Variants in HEATR6 observed in about 807,000 individuals in gnomAD.
HEATR6 encodes HEAT repeat containing 6.
HEATR6 carries 106 observed loss-of-function variants against 132.8 expected under a neutral mutation model. The observed-to-expected ratio is 0.80, with a 90% CI of 0.68 to 0.94. HEATR6 has a LOEUF of 0.94. Ranked by LOEUF, HEATR6 falls within the 40% of genes least tolerant of loss-of-function variation. HEATR6 has a pLI of 0.00. For missense variants in HEATR6, 1,339 were observed against 1,425.1 expected (o/e 0.94, Z 0.97); for synonymous variants, 529 against 537.8 (o/e 0.98, Z 0.23).
intron 14 of HEATR6, among the ~76,000 whole-genome samples, chr17:60,051,474 G>C (rs73994275): frequency 6.6e-6 from 1 of 152,132 alleles, no homozygotes; most frequent in African/African-American, 2.4e-5. Context: ...GTTGACAGTC[G>C]GCTAGGGCTT....
In HEATR6 at chr17:60,042,992, G is replaced by A; in HGVS notation, c.*571C>T. ...CACTGTCAGCATCCTCGCGTCCTGT[G>A]TGGCTGTGAGGCACCGTCAGCATCC... On this transcript the variant is annotated 3_prime_UTR_variant, in exon 20 of 20. Coordinates refer to ENST00000184956, the MANE Select transcript of HEATR6 (RefSeq NM_022070.5). 7.1e-6 allele frequency: 1 copy of A among 139,916 alleles called. No individual in the cohort carries two copies. Among genetic ancestry groups the A allele is most frequent in the South Asian group, 1.3e-4 (1 of 7,950 alleles). The allele number at this position is 139,916 out of a possible 1,614,324, so 8.7% of individuals were successfully genotyped here.
chr17:60,076,332 C>A, intron 1 of HEATR6, 95 bp from the exon 2 acceptor site: 2 of 639,034 alleles, frequency 3.1e-6, no homozygotes, highest in Non-Finnish European at 2.7e-6. Context: ...TAAATATTCA[C>A]ATTCAAAATG....
At chr17:60,065,694 CAT>C (rs1200669696) in intron 9 of HEATR6, among the ~76,000 whole-genome samples, 7 of 152,118 alleles carry the variant, frequency 4.6e-5, no homozygotes, top group South Asian at 2.1e-4. Flanking sequence ...ATTTATTACA[CAT>C]GATTTGAAAA....
chr17:60,067,493 C>T lies in HEATR6; in HGVS notation c.1179G>A (p.Arg393=). Reference sequence around the variant, plus strand: ...AAAAGTCTGACTCACTACTGCTGACCCTTTTCCAACTGGAAGAACTGAAGG... The same window carrying T: ...AAAAGTCTGACTCACTACTGCTGACTCTTTTCCAACTGGAAGAACTGAAGG... The part of the protein sequence containing the change: ...SSSFSSSSWK[R]VSSSESDFSD... The change falls in exon 8 of 20, where the codon AGG becomes AGA. Residue 393 remains arginine, a synonymous_variant. Coordinates refer to ENST00000184956, the MANE Select transcript of HEATR6 (RefSeq NM_022070.5). The T allele has an allele frequency of 6.2e-7, 1 of 1,605,172 alleles. No homozygotes were observed. Among genetic ancestry groups the T allele is most frequent in the African/African-American group, 1.3e-5 (1 of 74,530 alleles).
intron 6 of HEATR6, 71 bp from the exon 7 acceptor site, chr17:60,069,919 C>A (rs1346727510): frequency 6.4e-7 from 1 of 1,553,182 alleles, no homozygotes; most frequent in Non-Finnish European, 8.8e-7. Flanking sequence ...AACCATTAAT[C>A]ATAAAATAGA....
At position 60,066,384 on chromosome 17, in the gene HEATR6, G is replaced by C. The variant is rs2083240697; in HGVS notation, c.1241C>G (p.Ser414Cys). Residue 414 changes from serine to cysteine, a missense_variant and splice_region_variant, in exon 9 of 20, where the codon TCT becomes TGT. Transcript: ENST00000184956. ...TCCTTGGCGAACTTTAGCTTGGTAA[G>C]ACCTTTCATAACCAAGAGAAAAAAG... Reference protein sequence around the residue: ...AEGGMQSKMRSYQAKVRQGAL... With the variant: ...AEGGMQSKMRCYQAKVRQGAL... 6 of 1,581,614 alleles carry C rather than the reference G, an allele frequency of 3.8e-6. No homozygotes were observed. Among genetic ancestry groups the C allele is most frequent in the Non-Finnish European group, 5.1e-6 (6 of 1,168,730 alleles).
At position 60,073,755 on chromosome 17, in the gene HEATR6, T is replaced by C; in HGVS notation, c.459A>G (p.Lys153=). 6.2e-7 allele frequency: 1 copy of C among 1,613,834 alleles called. No individual in the cohort carries two copies. The highest frequency in any genetic ancestry group is 8.5e-7 in the Non-Finnish European group (1 of 1,179,858). The change falls in exon 3 of 20, where the codon AAA becomes AAG. Residue 153 remains lysine, a synonymous_variant. Transcript: ENST00000184956. The part of the protein sequence containing the change: ...LAALVYCNGS[K]CQKYLPELLG... The stretch of plus-strand genomic sequence containing the variant: ...AAGCACTTTAAACTACCTTTTGACA[T>C]TTGGAGCCATTGCAGTACACCAGAG...
At chr17:60,062,206 A>C (rs1178629981) in intron 9 of HEATR6, among the ~76,000 whole-genome samples, 1 of 152,210 alleles carries the variant, frequency 6.6e-6, no homozygotes, top group Non-Finnish European at 1.5e-5. Context: ...TTTTGCTCTT[A>C]TATCAATATT....
intron 7 of HEATR6, among the ~76,000 whole-genome samples, chr17:60,068,810 C>T (rs2083255480): frequency 6.6e-6 from 1 of 152,114 alleles, no homozygotes. Context: ...CTTCCCCCTC[C>T]ATTTAGACTG....
intron 4 of HEATR6, 124 bp from the exon 5 acceptor site, chr17:60,072,453 T>A: frequency 2.1e-6 from 1 of 470,214 alleles, no homozygotes; most frequent in East Asian, 3.3e-5. Context: ...AGTGCAACTA[T>A]GCTATGGAAA....
intron 12 of HEATR6, among the ~76,000 whole-genome samples, chr17:60,056,689 C>T (rs997193830): frequency 5.9e-5 from 9 of 152,080 alleles, no homozygotes; most frequent in African/African-American, 1.9e-4. Flanking sequence ...TAAGCAGGTA[C>T]AAGACCAAGG....
rs1175658468 is a variant in HEATR6 at position 60,049,702 on chromosome 17, T to G, written c.2425A>C (p.Asn809His). Residue 809 changes from asparagine to histidine, a missense_variant and splice_region_variant, in exon 16 of 20, where the codon AAT becomes CAT. Coordinates refer to ENST00000184956, the MANE Select transcript of HEATR6 (RefSeq NM_022070.5). ...ILPEAFSNLPNDRQMLCITVL... is the reference protein window; with the variant it reads ...ILPEAFSNLPHDRQMLCITVL... ...GTGATGCACAGCATCTGCCTGTCAT[T>G]CTGCAATGAGAAGGTTGACAAGGGA... 9 of 1,612,754 alleles carry G rather than the reference T, an allele frequency of 5.6e-6. No individual in the cohort carries two copies. The highest frequency in any genetic ancestry group is 7.6e-6 in the Non-Finnish European group (9 of 1,179,390).
chr17:60,052,596 C>A (rs1568613787), intron 14 of HEATR6, among the ~76,000 whole-genome samples: 1 of 152,186 alleles, frequency 6.6e-6, no homozygotes, highest in Non-Finnish European at 1.5e-5. Flanking sequence ...CATTCTAAGG[C>A]AGGGACTAGG....
Position 60,044,039 on chromosome 17 carries a change from G to A in HEATR6, c.3070C>T (p.Leu1024Phe). 6.2e-7 allele frequency: 1 copy of A among 1,614,176 alleles called. No individual in the cohort carries two copies. Among genetic ancestry groups the A allele is most frequent in the Non-Finnish European group, 8.5e-7 (1 of 1,180,038 alleles). Residue 1024 changes from leucine to phenylalanine, a missense_variant, in exon 20 of 20, where the codon CTT (leucine) becomes TTT (phenylalanine). By Grantham distance (22) the Leu-to-Phe change is conservative. Coordinates refer to ENST00000184956, the MANE Select transcript of HEATR6 (RefSeq NM_022070.5). Reference protein sequence around the residue: ...FKVRIRSAAALSVPGKREQYG... With the variant: ...FKVRIRSAAAFSVPGKREQYG... ...TGCTCTCTCTTCCCCGGGACGGAAA[G>A]GGCAGCTGCAGATCTGATGCGCACT...
rs1906860110 is a variant in HEATR6, at chr17:60,059,414, C to T, written c.1723+8G>A. ...CAAAGAAGCCATCAGTTTTAAGCCA[C>T]TACAAACCTTTGTGGCGAATATAAG... On this transcript the variant is annotated splice_region_variant and intron_variant, in intron 11 of 19. Coordinates refer to ENST00000184956, the MANE Select transcript of HEATR6 (RefSeq NM_022070.5). 2 of 1,584,304 alleles carry T rather than the reference C, an allele frequency of 1.3e-6. No homozygotes were observed. Among genetic ancestry groups the T allele is most frequent in the Admixed American group, 1.7e-5 (1 of 58,052 alleles).
rs1157455556 is a variant in HEATR6 at position 60,041,838 on chromosome 17, TA to T, written c.*1724del. 6.6e-6 allele frequency among the ~76,000 whole-genome samples: 1 copy of T among 152,200 alleles called. No homozygotes were observed. Among genetic ancestry groups the T allele is most frequent in the African/African-American group, 2.4e-5 (1 of 41,448 alleles). ...CTTTACACGTGTATTTTAAGCTAAA[TA>T]ACCATGATAAAATATCACCAACACC... On this transcript the variant is annotated 3_prime_UTR_variant, in exon 20 of 20. Transcript: ENST00000184956.
chr17:60,044,000 C>T lies in HEATR6; in HGVS notation c.3109G>A (p.Asp1037Asn), dbSNP rs746610082. 4 of 1,614,142 alleles carry T rather than the reference C, an allele frequency of 2.5e-6. No homozygotes were observed. In the Admixed American group the frequency reaches 6.7e-5, roughly 27 times the overall value. Residue 1037 changes from aspartate to asparagine, a missense_variant, in exon 20 of 20, where the codon GAC becomes AAC. Physicochemically the swap from Asp to Asn is conservative, Grantham distance 23. Transcript: ENST00000184956. The part of the protein sequence containing the change: ...PGKREQYGSV[D>N]QYARIWNALV... ...GCATTCCAGATCCGAGCATACTGGT[C>T]AACAGACCCGTACTGCTCTCTCTTC...
At chr17:60,048,036 T>C (rs1906430832) in intron 17 of HEATR6, among the ~76,000 whole-genome samples, 1 of 152,216 alleles carries the variant, frequency 6.6e-6, no homozygotes, top group Admixed American at 6.5e-5. Flanking sequence ...ATTACTTATA[T>C]CGGCATACAG....
In HEATR6 at chr17:60,056,189, A is replaced by G. The variant is rs370587639; in HGVS notation, c.2128T>C (p.Leu710=). 6.2e-7 allele frequency: 1 copy of G among 1,614,024 alleles called. No homozygotes were observed. Among genetic ancestry groups the G allele is most frequent in the Non-Finnish European group, 8.5e-7 (1 of 1,179,994 alleles). ...CAAATCACCTCTCCAAGCTCCATCA[A>G]GTAGGCTTGAGTCATTGAAAAGTAG... ...RGYFSMTQAY[L]MELGEVICKC... is the part of the protein sequence containing the mutation. The change falls in exon 13 of 20, where the codon TTG becomes CTG. Residue 710 remains leucine, a synonymous_variant. Coordinates refer to ENST00000184956, the MANE Select transcript of HEATR6 (RefSeq NM_022070.5).
Sources: allele counts gnomAD v4.1 joint callset (sites outside exome capture counted in the v4.1 genomes callset), GRCh38; gene constraint gnomAD v4.1.1; transcripts MANE v1.5; gene names NCBI Gene and HGNC (gene_info 2026-07-23, HGNC 2026-07-21).